The following SLC25A31 variants were observed in gnomAD, a reference collection of about 807,000 sequenced individuals.
SLC25A31 encodes ADP/ATP translocase 4.
SLC25A31 carries 40 observed loss-of-function variants against 36.2 expected under a neutral mutation model. The ratio of observed to expected loss-of-function variants is 1.10; its 90% CI spans 0.86 to 1.44. SLC25A31 has a LOEUF of 1.44. Ranked by LOEUF, SLC25A31 falls within the 40% of genes most tolerant of loss-of-function variation. The probability of loss-of-function intolerance (pLI) is 0.00; values close to 1 mark genes in which losing one functional copy is unlikely to be tolerated. For missense variants in SLC25A31, 350 were observed against 397.1 expected (o/e 0.88, Z 1.01); for synonymous variants, 143 against 149.7 (o/e 0.96, Z 0.32).
At chr4:127,743,113 TTTTTCTTTTTTC>T (rs1001675269) in intron 1 of SLC25A31, among the ~76,000 whole-genome samples, 2 of 150,424 alleles carry the variant, frequency 1.3e-5, no homozygotes, top group African/African-American at 4.9e-5. Context: ...CCTCAGAGAG[TTTTTCTTTTTTC>T]TTTTCTTTTT....
At chr4:127,767,263 T>A in intron 4 of SLC25A31, 43 bp downstream of exon 4, 1 of 1,369,180 alleles carries the variant, frequency 7.3e-7, no homozygotes, top group Non-Finnish European at 9.7e-7. Flanking sequence ...ATATATGGTT[T>A]CCATTTATTT....
chr4:127,745,969 T>A (rs184533514), intron 2 of SLC25A31, among the ~76,000 whole-genome samples: 98 of 152,188 alleles, frequency 6.4e-4, no homozygotes, highest in African/African-American at 2.2e-3. Context: ...CCACCCACCC[T>A]CAAGTAGATC....
intron 2 of SLC25A31, among the ~76,000 whole-genome samples, chr4:127,754,919 T>G (rs938347202): frequency 6.6e-6 from 1 of 152,052 alleles, no homozygotes; most frequent in Non-Finnish European, 1.5e-5. Flanking sequence ...GCTATAGTAA[T>G]CAAAACAGCG....
chr4:127,749,444 AG>A (rs1410941713), intron 2 of SLC25A31, among the ~76,000 whole-genome samples: 1 of 152,200 alleles, frequency 6.6e-6, no homozygotes, highest in Non-Finnish European at 1.5e-5. Context: ...AATTTTAAAA[AG>A]ATCCAGGTGT....
chr4:127,736,379 G>C (rs1269273389), intron 1 of SLC25A31, among the ~76,000 whole-genome samples: 3 of 152,126 alleles, frequency 2.0e-5, no homozygotes, highest in Non-Finnish European at 4.4e-5. Flanking sequence ...AATGGAGAAA[G>C]AGGTCACCAT....
chr4:127,762,067 A>G (rs1429200337), intron 2 of SLC25A31, among the ~76,000 whole-genome samples: 1 of 152,234 alleles, frequency 6.6e-6, no homozygotes, highest in Non-Finnish European at 1.5e-5. Context: ...AAGTGGCATT[A>G]CCAGTACACT....
At chr4:127,747,185 A>G (rs758210229) in intron 2 of SLC25A31, among the ~76,000 whole-genome samples, 3 of 152,210 alleles carry the variant, frequency 2.0e-5, no homozygotes, top group East Asian at 1.9e-4. Context: ...GCCCAGTTCT[A>G]TAGTTTGAAG....
intron 2 of SLC25A31, among the ~76,000 whole-genome samples, chr4:127,750,663 T>G (rs2148758234): frequency 6.6e-6 from 1 of 152,300 alleles, no homozygotes; most frequent in South Asian, 2.1e-4. Context: ...GCAGTTGAAC[T>G]TAAGTTGATA....
Position 127,745,838 on chromosome 4 carries a change from G to A in SLC25A31, c.360+1039G>A, listed in dbSNP as rs957028714. On this transcript the variant is annotated intron_variant, in intron 2 of 5. Coordinates refer to ENST00000281154, the MANE Select transcript of SLC25A31 (RefSeq NM_031291.4). ...TTTTATTTTAGGTTTGGGGGTACAT[G>A]TGAAGGTTTGCTTTATAGGTAATCT... 7.9e-5 allele frequency among the ~76,000 whole-genome samples: 12 copies of A among 152,184 alleles called. No homozygotes were observed. In the South Asian group the frequency reaches 1.9e-3, roughly 24 times the overall value.
At chr4:127,766,720 C>T (rs888167768) in intron 3 of SLC25A31, among the ~76,000 whole-genome samples, 1 of 152,210 alleles carries the variant, frequency 6.6e-6, no homozygotes, top group Non-Finnish European at 1.5e-5. Flanking sequence ...GCCTTGGCCT[C>T]GCAAAGCACT....
intron 3 of SLC25A31, among the ~76,000 whole-genome samples, chr4:127,766,284 C>T (rs974397174): frequency 6.6e-6 from 1 of 152,002 alleles, no homozygotes; most frequent in Admixed American, 6.6e-5. Context: ...TCTCCTGCCT[C>T]AGCCTCCTGG....
At chr4:127,736,744 T>G (rs1731639746) in intron 1 of SLC25A31, among the ~76,000 whole-genome samples, 1 of 152,218 alleles carries the variant, frequency 6.6e-6, no homozygotes, top group Non-Finnish European at 1.5e-5. Context: ...AAGAAGATAA[T>G]GCATGTAAAA....
intron 3 of SLC25A31, 122 bp from the exon 4 acceptor site, chr4:127,766,944 C>A (rs1259783602): frequency 2.6e-6 from 2 of 777,382 alleles, no homozygotes; most frequent in Non-Finnish European, 3.7e-6. Context: ...TTGATTTGTG[C>A]CTTCTTTGTT....
In SLC25A31 at chr4:127,773,753, T is replaced by G; in HGVS notation, c.*179T>G. 2.1e-6 allele frequency: 1 copy of G among 467,606 alleles called. No homozygotes were observed. Among genetic ancestry groups the G allele is most frequent in the Middle Eastern group, 5.7e-4 (1 of 1,760 alleles). The allele number at this position is 467,606 out of a possible 1,614,324, so 29.0% of individuals were successfully genotyped here. ...ACTAAAAATCAGATAAATGTGGATT[T>G]TCCTCCCACTTAGACTCAAACACAT... On this transcript the variant is annotated 3_prime_UTR_variant, in exon 6 of 6. Coordinates refer to ENST00000281154, the MANE Select transcript of SLC25A31 (RefSeq NM_031291.4).
intron 4 of SLC25A31, 44 bp from the exon 5 acceptor site, chr4:127,768,708 T>A (rs79304848): frequency 1.3e-6 from 2 of 1,508,264 alleles, no homozygotes; most frequent in Non-Finnish European, 1.8e-6. Context: ...ATTTAAGATA[T>A]TTTAGAAATT....
intron 2 of SLC25A31, 30 bp from the exon 3 acceptor site, chr4:127,764,213 A>C: frequency 6.4e-7 from 1 of 1,563,880 alleles, no homozygotes; most frequent in Non-Finnish European, 8.8e-7. Flanking sequence ...TCTGTGGTTT[A>C]ATAACCACTT....
chr4:127,770,928 T>A (rs1311330613), intron 5 of SLC25A31, among the ~76,000 whole-genome samples: 2 of 151,134 alleles, frequency 1.3e-5, no homozygotes, highest in East Asian at 3.9e-4. Flanking sequence ...TTCACAGGGT[T>A]CCTCCTCTGT....
chr4:127,739,324 A>G (rs1005890065), intron 1 of SLC25A31, among the ~76,000 whole-genome samples: 1 of 152,154 alleles, frequency 6.6e-6, no homozygotes, highest in Non-Finnish European at 1.5e-5. Flanking sequence ...GCTTGCCTGG[A>G]AAAGATTTTA....
chr4:127,734,269 G>T (rs1160283882), intron 1 of SLC25A31, among the ~76,000 whole-genome samples: 1 of 152,030 alleles, frequency 6.6e-6, no homozygotes, highest in African/African-American at 2.4e-5. Flanking sequence ...GCCTTTTAAA[G>T]AACTGATTTT....
Sources: allele counts gnomAD v4.1 joint callset (sites outside exome capture counted in the v4.1 genomes callset), GRCh38; gene constraint gnomAD v4.1.1; transcripts MANE v1.5; gene names NCBI Gene and HGNC (gene_info 2026-07-23, HGNC 2026-07-21).